The following KCNH8 variants were observed in gnomAD, a reference collection of about 807,000 sequenced individuals.
The protein encoded by KCNH8 is potassium voltage-gated channel subfamily H member 8.
KCNH8 carries 70 observed loss-of-function variants against 103.6 expected under a neutral mutation model. That is an observed-to-expected ratio of 0.68 (90% CI 0.56 to 0.82). KCNH8 has a LOEUF of 0.82. Ranked by LOEUF, KCNH8 falls within the 40% of genes least tolerant of loss-of-function variation. The pLI, the probability that KCNH8 is intolerant of heterozygous loss-of-function variation, is 0.00. For synonymous variants in KCNH8, 498 were observed against 489.4 expected (o/e 1.02, Z -0.23); for missense variants, 1,217 against 1,329.9 (o/e 0.92, Z 1.32).
chr3:19,387,297 A>C (rs969340203), intron 5 of KCNH8, among the ~76,000 whole-genome samples: 28 of 152,172 alleles, frequency 1.8e-4, no homozygotes. Context: ...TATTTCCTCT[A>C]AAATATATTT....
chr3:19,305,952 A>G (rs1027675684), intron 3 of KCNH8, among the ~76,000 whole-genome samples: 1 of 152,014 alleles, frequency 6.6e-6, no homozygotes, highest in Non-Finnish European at 1.5e-5. Context: ...AAATCAAAAA[A>G]TAAAAAATAA....
At chr3:19,300,240 C>T (rs899776618) in intron 3 of KCNH8, among the ~76,000 whole-genome samples, 1 of 147,700 alleles carries the variant, frequency 6.8e-6, no homozygotes, top group African/African-American at 2.5e-5. Flanking sequence ...CATAGCAAGA[C>T]TCTGTCTATA....
In KCNH8 at chr3:19,301,932, G is replaced by A. The variant is rs536625525; in HGVS notation, c.442+20603G>A. 3.6e-4 allele frequency among the ~76,000 whole-genome samples: 55 copies of A among 152,284 alleles called. 1 individual carries two copies. Among genetic ancestry groups the A allele is most frequent in the East Asian group, 1.5e-3 (8 of 5,178 alleles). On this transcript the variant is annotated intron_variant, in intron 3 of 15. Coordinates refer to ENST00000328405, the MANE Select transcript of KCNH8 (RefSeq NM_144633.3). ...ATACAAATGAACAGACAAATTAAAAGGTCCAGAAGGGTCCTGAGCACAGGA... is the reference window on the plus strand; with the variant it reads ...ATACAAATGAACAGACAAATTAAAAAGTCCAGAAGGGTCCTGAGCACAGGA...
At chr3:19,381,691 A>T (rs769684505) in intron 5 of KCNH8, among the ~76,000 whole-genome samples, 12 of 152,162 alleles carry the variant, frequency 7.9e-5, no homozygotes, top group Non-Finnish European at 1.2e-4. Flanking sequence ...AGAATTGCTA[A>T]AAGGGAAAAA....
At chr3:19,264,304 G>A (rs2064477758) in intron 2 of KCNH8, among the ~76,000 whole-genome samples, 1 of 152,050 alleles carries the variant, frequency 6.6e-6, no homozygotes, top group Admixed American at 6.6e-5. Flanking sequence ...AGTCTGCCTT[G>A]CCGTTTATCT....
chr3:19,381,725 C>T (rs1200941126), intron 5 of KCNH8, among the ~76,000 whole-genome samples: 1 of 151,898 alleles, frequency 6.6e-6, no homozygotes, highest in Non-Finnish European at 1.5e-5. Flanking sequence ...TCAGAAATTA[C>T]CAAGGATTGG....
intron 3 of KCNH8, among the ~76,000 whole-genome samples, chr3:19,340,025 G>A (rs2065636579): frequency 6.6e-6 from 1 of 152,036 alleles, no homozygotes; most frequent in African/African-American, 2.4e-5. Context: ...CTAGATGTGT[G>A]ACCATCTAAT....
At position 19,168,720 on chromosome 3, in the gene KCNH8, T is replaced by G. The variant is rs550494878; in HGVS notation, c.76+19925T>G. 1.6e-4 allele frequency among the ~76,000 whole-genome samples: 24 copies of G among 152,336 alleles called. No individual in the cohort carries two copies. In the South Asian group the frequency reaches 4.8e-3, roughly 30 times the overall value. Reference sequence around the variant, plus strand: ...CTTCCCATTCGTGTAACTATCGTTTTCAAATATGAAGGACGAAGAATAACA... The same window carrying G: ...CTTCCCATTCGTGTAACTATCGTTTGCAAATATGAAGGACGAAGAATAACA... On this transcript the variant is annotated intron_variant, in intron 1 of 15. Coordinates refer to ENST00000328405, the MANE Select transcript of KCNH8 (RefSeq NM_144633.3).
chr3:19,181,140 C>T (rs1012216279), intron 1 of KCNH8, among the ~76,000 whole-genome samples: 1 of 152,028 alleles, frequency 6.6e-6, no homozygotes, highest in African/African-American at 2.4e-5. Flanking sequence ...CATTTTTAGT[C>T]ATACTGATAC....
chr3:19,302,446 T>G (rs1195863136), intron 3 of KCNH8, among the ~76,000 whole-genome samples: 1 of 152,182 alleles, frequency 6.6e-6, no homozygotes, highest in Non-Finnish European at 1.5e-5. Context: ...AATCTTGGCT[T>G]CTAGGAAATT....
chr3:19,255,631 A>G (rs2064336947), intron 2 of KCNH8, among the ~76,000 whole-genome samples: 1 of 152,136 alleles, frequency 6.6e-6, no homozygotes, highest in African/African-American at 2.4e-5. Flanking sequence ...CATCCTGCAC[A>G]TGTATCCTGG....
At chr3:19,450,736 A>G (rs2067434929) in intron 9 of KCNH8, 1 of 276,772 alleles carries the variant, frequency 3.6e-6, no homozygotes, top group Non-Finnish European at 6.9e-6. Context: ...ACAGTATTAT[A>G]TAAATCAACG....
At chr3:19,297,307 T>G (rs1160830215) in intron 3 of KCNH8, among the ~76,000 whole-genome samples, 1 of 152,196 alleles carries the variant, frequency 6.6e-6, no homozygotes. Flanking sequence ...AATATGAGCT[T>G]AAGGAAGTAG....
chr3:19,479,660 G>GA, intron 11 of KCNH8, among the ~76,000 whole-genome samples: 1 of 152,288 alleles, frequency 6.6e-6, no homozygotes, highest in South Asian at 2.1e-4. Context: ...ACAAGAGGAA[G>GA]AAACAGATCA....
At chr3:19,531,328 G>C (rs755083248) in intron 15 of KCNH8, among the ~76,000 whole-genome samples, 3 of 152,184 alleles carry the variant, frequency 2.0e-5, no homozygotes, top group Non-Finnish European at 2.9e-5. Context: ...AGATCCTGGG[G>C]TAATGATTTA....
intron 3 of KCNH8, among the ~76,000 whole-genome samples, chr3:19,307,042 A>G (rs1157156432): frequency 6.6e-6 from 1 of 152,014 alleles, no homozygotes; most frequent in Non-Finnish European, 1.5e-5. Flanking sequence ...AAAAGAACAG[A>G]ATAGAGAATC....
chr3:19,387,542 T>A (rs1210331347), intron 5 of KCNH8, among the ~76,000 whole-genome samples: 2 of 152,166 alleles, frequency 1.3e-5, no homozygotes, highest in Non-Finnish European at 2.9e-5. Context: ...TCTGTTCTTA[T>A]AAGTACGACA....
Position 19,322,785 on chromosome 3 carries a change from G to A in KCNH8, c.443-19802G>A, listed in dbSNP as rs192676111. Reference sequence around the variant, plus strand: ...TTTCCTTGATTATCCCCTCTAACATGTTTTCCAAACTTTTAGATTTCTCTT... The same window carrying A: ...TTTCCTTGATTATCCCCTCTAACATATTTTCCAAACTTTTAGATTTCTCTT... On this transcript the variant is annotated intron_variant, in intron 3 of 15. Coordinates refer to ENST00000328405, the MANE Select transcript of KCNH8 (RefSeq NM_144633.3). Among the ~76,000 whole-genome samples, 314 of 152,196 alleles carry A rather than the reference G, an allele frequency of 2.1e-3. 2 individuals are homozygous for A. The Middle Eastern group carries it at 0.024, about 12-fold the overall frequency.
At chr3:19,226,157 T>C (rs1346188490) in intron 1 of KCNH8, among the ~76,000 whole-genome samples, 3 of 152,198 alleles carry the variant, frequency 2.0e-5, no homozygotes, top group Admixed American at 1.3e-4. Flanking sequence ...GCCTTTATAT[T>C]GAGAATACAA....
Sources: allele counts gnomAD v4.1 joint callset (sites outside exome capture counted in the v4.1 genomes callset), GRCh38; gene constraint gnomAD v4.1.1; transcripts MANE v1.5; gene names NCBI Gene and HGNC (gene_info 2026-07-23, HGNC 2026-07-21).